SNX24: variants seen among roughly 807,000 people sequenced by gnomAD.
The protein encoded by SNX24 is sorting nexin-24.
In SNX24, 22 loss-of-function variants were observed where a neutral mutation model predicts 28.7. That is an observed-to-expected ratio of 0.77 (90% CI 0.55 to 1.10). The LOEUF (loss-of-function observed/expected upper bound fraction) is 1.10. SNX24 is among the 50% of genes least tolerant of loss of function. SNX24 has a pLI of 0.00. For synonymous variants in SNX24, 69 were observed against 71.5 expected (o/e 0.96, Z 0.18); for missense variants, 221 against 201.1 (o/e 1.10, Z -0.60).
chr5:122,861,628 C>T (rs1755466604), intron 1 of SNX24, among the ~76,000 whole-genome samples: 1 of 152,134 alleles, frequency 6.6e-6, no homozygotes, highest in Admixed American at 6.5e-5. Flanking sequence ...CCTCTCAGAT[C>T]CCATGTAATT....
intron 5 of SNX24, among the ~76,000 whole-genome samples, chr5:123,016,340 A>C (rs1304485615): frequency 6.6e-6 from 1 of 152,206 alleles, no homozygotes; most frequent in Non-Finnish European, 1.5e-5. Context: ...GCAACAGGGA[A>C]GGGGAAGGGT....
chr5:123,015,419 G>A (rs1762663030), intron 5 of SNX24, among the ~76,000 whole-genome samples: 1 of 152,132 alleles, frequency 6.6e-6, no homozygotes, highest in Non-Finnish European at 1.5e-5. Context: ...GACAAAGAGT[G>A]GTTAATGGAT....
At chr5:122,938,190 TG>T (rs1373144167) in intron 2 of SNX24, among the ~76,000 whole-genome samples, 1 of 152,152 alleles carries the variant, frequency 6.6e-6, no homozygotes, top group Non-Finnish European at 1.5e-5. Flanking sequence ...AGCACGAGGC[TG>T]CCCGTGCTTC....
At chr5:122,907,715 T>C (rs1757701243) in intron 1 of SNX24, among the ~76,000 whole-genome samples, 1 of 152,176 alleles carries the variant, frequency 6.6e-6, no homozygotes, top group Non-Finnish European at 1.5e-5. Context: ...TCTTAGTTCT[T>C]AGAAACACCT....
At chr5:122,930,299 G>A (rs753595085) in intron 1 of SNX24, among the ~76,000 whole-genome samples, 33 of 152,174 alleles carry the variant, frequency 2.2e-4, no homozygotes, top group Non-Finnish European at 2.1e-4. Context: ...CAAAAAAGAT[G>A]TTTGGGTTAT....
intron 3 of SNX24, among the ~76,000 whole-genome samples, chr5:122,957,075 C>G (rs1266943173): frequency 1.3e-5 from 2 of 152,064 alleles, no homozygotes; most frequent in East Asian, 3.9e-4. Flanking sequence ...GGTGTCATAC[C>G]CAAGAAATCA....
intron 1 of SNX24, among the ~76,000 whole-genome samples, chr5:122,850,608 A>G (rs949538893): frequency 2.0e-5 from 3 of 152,208 alleles, no homozygotes; most frequent in African/African-American, 7.2e-5. Context: ...GATGTACAGC[A>G]GCAGTGTGAC....
chr5:122,916,106 A>G (rs1758152869), intron 1 of SNX24, among the ~76,000 whole-genome samples: 1 of 152,292 alleles, frequency 6.6e-6, no homozygotes. Flanking sequence ...CTGAATAAAT[A>G]AAGTAACGTG....
At chr5:122,935,723 TA>T (rs10715896) in intron 1 of SNX24, among the ~76,000 whole-genome samples, 108,628 of 152,068 alleles carry the variant, frequency 0.71, 39,499 homozygotes, top group East Asian at 0.99. Flanking sequence ...TTGTATGTCA[TA>T]TGCCAAATTT....
At chr5:122,917,820 C>T (rs1758247522) in intron 1 of SNX24, among the ~76,000 whole-genome samples, 1 of 152,128 alleles carries the variant, frequency 6.6e-6, no homozygotes, top group African/African-American at 2.4e-5. Context: ...GTGGCTTACA[C>T]CTGTAATCCC....
intron 1 of SNX24, among the ~76,000 whole-genome samples, chr5:122,930,382 A>T (rs1222265799): frequency 6.6e-6 from 1 of 152,224 alleles, no homozygotes; most frequent in African/African-American, 2.4e-5. Flanking sequence ...AATTTAGATG[A>T]CTATTAAATA....
chr5:122,928,868 G>C (rs2927637), intron 1 of SNX24, among the ~76,000 whole-genome samples: 105,045 of 147,240 alleles, frequency 0.71, 38,079 homozygotes, highest in East Asian at 0.99. Context: ...ATGGTTTTCT[G>C]TTCTTGCTCA....
chr5:122,952,139 A>C (rs1336528583), intron 3 of SNX24, among the ~76,000 whole-genome samples: 1 of 152,218 alleles, frequency 6.6e-6, no homozygotes, highest in Non-Finnish European at 1.5e-5. Context: ...CCCATTCCCA[A>C]GATATCTCAT....
intron 1 of SNX24, among the ~76,000 whole-genome samples, chr5:122,849,341 G>T (rs1754790464): frequency 6.6e-6 from 1 of 152,116 alleles, no homozygotes; most frequent in South Asian, 2.1e-4. Context: ...GGGATTCTCA[G>T]CCCATATAGA....
chr5:122,875,829 G>A (rs561981924), intron 1 of SNX24, among the ~76,000 whole-genome samples: 1 of 152,132 alleles, frequency 6.6e-6, no homozygotes, highest in African/African-American at 2.4e-5. Context: ...TGCTCTTAGC[G>A]CCCAGGCTGG....
At chr5:122,869,675 A>T (rs1357972583) in intron 1 of SNX24, among the ~76,000 whole-genome samples, 1 of 152,246 alleles carries the variant, frequency 6.6e-6, no homozygotes, top group Non-Finnish European at 1.5e-5. Flanking sequence ...GATCTTTTTC[A>T]TAAAAATTAT....
At chr5:122,909,006 C>T (rs1757766341) in intron 1 of SNX24, among the ~76,000 whole-genome samples, 1 of 152,134 alleles carries the variant, frequency 6.6e-6, no homozygotes, top group African/African-American at 2.4e-5. Flanking sequence ...ACTGACCTCA[C>T]TGTGTATCTT....
intron 3 of SNX24, among the ~76,000 whole-genome samples, chr5:122,998,695 G>A (rs1232151280): frequency 1.3e-5 from 2 of 152,188 alleles, no homozygotes; most frequent in African/African-American, 4.8e-5. Flanking sequence ...CACTTCATTT[G>A]TATGACCTGA....
At chr5:122,862,725 G>C (rs1755529308) in intron 1 of SNX24, among the ~76,000 whole-genome samples, 1 of 151,170 alleles carries the variant, frequency 6.6e-6, no homozygotes. Context: ...GGAAGAGATT[G>C]ATAAAAACCA....
Sources: allele counts gnomAD v4.1 joint callset (sites outside exome capture counted in the v4.1 genomes callset), GRCh38; gene constraint gnomAD v4.1.1; transcripts MANE v1.5; gene names NCBI Gene and HGNC (gene_info 2026-07-23, HGNC 2026-07-21).